Variants in CNTN6 observed in about 807,000 individuals in gnomAD.
CNTN6 encodes the protein contactin-6.
Under a neutral mutation model 122.8 loss-of-function variants are expected in CNTN6, and 137 were observed. The observed-to-expected ratio is 1.12, with a 90% CI of 0.97 to 1.29. The LOEUF (loss-of-function observed/expected upper bound fraction) is 1.29. Ranked by LOEUF, CNTN6 falls within the 50% of genes most tolerant of loss-of-function variation. The pLI is 0.00. For missense variants in CNTN6, 1,634 were observed against 1,223.4 expected (o/e 1.34, Z -5.01); for synonymous variants, 570 against 426.0 (o/e 1.34, Z -4.16).
Position 1,106,132 on chromosome 3 carries a change from A to G in CNTN6, c.-83+13012A>G, listed in dbSNP as rs149229618. On this transcript the variant is annotated intron_variant, in intron 1 of 22. Transcript: ENST00000446702. Reference sequence around the variant, plus strand: ...GTATGTTAGGAAAATTCAGGACTGCATAAGGGGAACAGGAATAGGTTTGAG... The same window carrying G: ...GTATGTTAGGAAAATTCAGGACTGCGTAAGGGGAACAGGAATAGGTTTGAG... Among the ~76,000 whole-genome samples, 23 of 151,798 alleles carry G rather than the reference A, an allele frequency of 1.5e-4. 1 individual carries two copies. The East Asian group carries it at 4.1e-3, about 27-fold the overall frequency.
chr3:1,333,821 A>C (rs1702662537), intron 11 of CNTN6, among the ~76,000 whole-genome samples: 1 of 152,130 alleles, frequency 6.6e-6, no homozygotes, highest in Non-Finnish European at 1.5e-5. Flanking sequence ...CACAGCTAAT[A>C]AGTGAAGAAG....
intron 1 of CNTN6, among the ~76,000 whole-genome samples, chr3:1,123,016 G>T (rs745910273): frequency 6.6e-6 from 1 of 151,800 alleles, no homozygotes; most frequent in East Asian, 1.9e-4. Flanking sequence ...ACCACAAAAC[G>T]TTTCCAGTAC....
At chr3:1,325,002 A>G (rs1701336739) in intron 8 of CNTN6, among the ~76,000 whole-genome samples, 1 of 151,812 alleles carries the variant, frequency 6.6e-6, no homozygotes, top group African/African-American at 2.4e-5. Flanking sequence ...GGACAGAACT[A>G]AATAAAGGAG....
intron 4 of CNTN6, among the ~76,000 whole-genome samples, chr3:1,235,218 G>A (rs1273907007): frequency 6.6e-6 from 1 of 152,104 alleles, no homozygotes; most frequent in Non-Finnish European, 1.5e-5. Flanking sequence ...GAAAATATAA[G>A]AAAGTAGGGG....
At chr3:1,211,618 C>G (rs1432271934) in intron 2 of CNTN6, among the ~76,000 whole-genome samples, 1 of 152,100 alleles carries the variant, frequency 6.6e-6, no homozygotes, top group African/African-American at 2.4e-5. Context: ...CTCTAAATTA[C>G]TCATTCTCTC....
intron 5 of CNTN6, among the ~76,000 whole-genome samples, chr3:1,293,843 C>T (rs1181079468): frequency 6.6e-6 from 1 of 152,288 alleles, no homozygotes; most frequent in South Asian, 2.1e-4. Flanking sequence ...TACCTAGTTT[C>T]CGCAGTACAC....
intron 11 of CNTN6, among the ~76,000 whole-genome samples, chr3:1,334,486 C>T (rs941587867): frequency 6.6e-6 from 1 of 151,850 alleles, no homozygotes; most frequent in African/African-American, 2.4e-5. Context: ...TGTCTGCTTG[C>T]ACAGAGATTA....
chr3:1,174,506 A>G (rs1416010692), intron 2 of CNTN6, among the ~76,000 whole-genome samples: 1 of 152,170 alleles, frequency 6.6e-6, no homozygotes. Context: ...TTCTGTCGTA[A>G]ATATGACCCT....
chr3:1,106,849 T>G (rs2091247969), intron 1 of CNTN6, among the ~76,000 whole-genome samples: 1 of 152,126 alleles, frequency 6.6e-6, no homozygotes, highest in Admixed American at 6.5e-5. Flanking sequence ...GTGGGATTAT[T>G]TTGTTTTATT....
chr3:1,166,383 G>C (rs1165372958), intron 2 of CNTN6, among the ~76,000 whole-genome samples: 1 of 152,062 alleles, frequency 6.6e-6, no homozygotes, highest in Non-Finnish European at 1.5e-5. Flanking sequence ...TATTCTTCCT[G>C]CATTTTGCCA....
At chr3:1,382,545 G>C (rs555277010) in intron 17 of CNTN6, among the ~76,000 whole-genome samples, 1 of 152,268 alleles carries the variant, frequency 6.6e-6, no homozygotes, top group African/African-American at 2.4e-5. Flanking sequence ...TTAAAATGTT[G>C]TGAAAGGAAA....
chr3:1,286,272 C>T (rs1285802857), intron 5 of CNTN6, among the ~76,000 whole-genome samples: 7 of 152,088 alleles, frequency 4.6e-5, no homozygotes, highest in South Asian at 4.1e-4. Flanking sequence ...TAGGTGTACA[C>T]GTGCCATGGT....
chr3:1,356,051 C>T (rs1024160993), intron 12 of CNTN6, among the ~76,000 whole-genome samples: 1 of 151,604 alleles, frequency 6.6e-6, no homozygotes, highest in African/African-American at 2.4e-5. Flanking sequence ...TTCAGAGGCA[C>T]AAACAAGGAA....
chr3:1,268,584 G>A (rs1372440817), intron 4 of CNTN6, among the ~76,000 whole-genome samples: 2 of 126,714 alleles, frequency 1.6e-5, no homozygotes, highest in African/African-American at 3.4e-5. Flanking sequence ...TCCAGCCTGG[G>A]CGACAGAGCG....
At chr3:1,354,430 A>T (rs186605339) in intron 12 of CNTN6, among the ~76,000 whole-genome samples, 1 of 149,144 alleles carries the variant, frequency 6.7e-6, no homozygotes, top group East Asian at 2.0e-4. Flanking sequence ...CTCTTTGCTG[A>T]GGTTGTTGAA....
intron 5 of CNTN6, among the ~76,000 whole-genome samples, chr3:1,284,496 C>G (rs1419461029): frequency 6.6e-6 from 1 of 151,990 alleles, no homozygotes; most frequent in Non-Finnish European, 1.5e-5. Flanking sequence ...ATAATAGTAA[C>G]GATAATAACC....
At chr3:1,260,634 G>A (rs767467398) in intron 4 of CNTN6, among the ~76,000 whole-genome samples, 11 of 152,000 alleles carry the variant, frequency 7.2e-5, no homozygotes, top group Admixed American at 2.6e-4. Context: ...TTGAATTGCA[G>A]TTCTCATAAT....
chr3:1,401,524 G>C lies in CNTN6; in HGVS notation c.2796G>C (p.Glu932Asp), dbSNP rs1352744521. ...NWEHVKTMEN[E>D]SEVLGYKILY... ...AGCATGTAAAAACCATGGAAAATGA[G>C]TCTGAAGTTTTGGGGTACAAGGTGA... The change falls in exon 21 of 23, where the codon GAG becomes GAC. Residue 932 changes from glutamate (E) to aspartate (D), a missense_variant. Physicochemically the swap from Glu to Asp is conservative, Grantham distance 45. Coordinates refer to ENST00000446702, the MANE Select transcript of CNTN6 (RefSeq NM_001289080.2). 6.2e-7 allele frequency: 1 copy of C among 1,610,914 alleles called. No homozygotes were observed. Among genetic ancestry groups the C allele is most frequent in the Admixed American group, 1.7e-5 (1 of 59,700 alleles).
At chr3:1,246,198 G>C (rs1163819882) in intron 4 of CNTN6, among the ~76,000 whole-genome samples, 1 of 152,080 alleles carries the variant, frequency 6.6e-6, no homozygotes, top group East Asian at 1.9e-4. Flanking sequence ...TCCCCTTCTA[G>C]TTATGACATC....
Sources: allele counts gnomAD v4.1 joint callset (sites outside exome capture counted in the v4.1 genomes callset), GRCh38; gene constraint gnomAD v4.1.1; transcripts MANE v1.5; gene names NCBI Gene and HGNC (gene_info 2026-07-23, HGNC 2026-07-21).